UPF2: variants seen among roughly 807,000 people sequenced by gnomAD.
The protein encoded by UPF2 is UPF2 regulator of nonsense mediated mRNA decay, also known as regulator of nonsense transcripts 2.
A neutral mutation model predicts 141.4 loss-of-function variants in UPF2; 17 were observed. The observed-to-expected ratio is 0.12, with a 90% CI of 0.08 to 0.18. UPF2 has a LOEUF of 0.18. UPF2 is among the 10% of genes least tolerant of loss of function. UPF2 has a pLI of 1.00. For synonymous variants in UPF2, 540 were observed against 498.0 expected (o/e 1.08, Z -1.12); for missense variants, 1,152 against 1,515.9 (o/e 0.76, Z 3.99).
rs1372254766 is a variant in UPF2 at position 11,959,372 on chromosome 10, C to G, written c.2185-16G>C. On this transcript the variant is annotated splice_polypyrimidine_tract_variant and intron_variant, in intron 11 of 21. Transcript: ENST00000357604. This position sits in a 1 kb window ranked among gnomAD's most constrained non-coding sequence, Gnocchi z 5.9. ...TCATTTGCTCCTGAAATAAAAAGTCCAAATTAATCAAAACACGTTCCTTCT... is the reference window on the plus strand; with the variant it reads ...TCATTTGCTCCTGAAATAAAAAGTCGAAATTAATCAAAACACGTTCCTTCT... The G allele has an allele frequency of 1.9e-6, 3 of 1,546,324 alleles. No homozygotes were observed. The African/African-American group carries it at 4.2e-5, about 21-fold the overall frequency.
At chr10:12,011,189 C>A (rs556510744) in intron 4 of UPF2, among the ~76,000 whole-genome samples, 2 of 152,210 alleles carry the variant, frequency 1.3e-5, no homozygotes, top group Admixed American at 6.5e-5. Flanking sequence ...GACAGGGTCT[C>A]GCTATGTTAC....
intron 9 of UPF2, among the ~76,000 whole-genome samples, chr10:11,973,503 T>G (rs1588545887): frequency 6.6e-6 from 1 of 152,156 alleles, no homozygotes; most frequent in South Asian, 2.1e-4. Flanking sequence ...TCTTCTAGGG[T>G]TTTTATGGTT....
chr10:11,996,588 C>T lies in UPF2; in HGVS notation c.1844+1084G>A, dbSNP rs184242198. ...CAAACTCCTGACCTCAGGTGATCCA[C>T]CTGCCTCAGCCTCCCAAGGTGCTGG... On this transcript the variant is annotated intron_variant, in intron 8 of 21. Coordinates refer to ENST00000357604, the MANE Select transcript of UPF2 (RefSeq NM_015542.4). Among the ~76,000 whole-genome samples, 356 of 152,336 alleles carry T rather than the reference C, an allele frequency of 2.3e-3. 1 individual carries two copies. The highest frequency in any genetic ancestry group is 6.3e-3 in the Admixed American group (96 of 15,298).
At chr10:11,954,560 A>C (rs549788651) in intron 14 of UPF2, among the ~76,000 whole-genome samples, 1 of 150,912 alleles carries the variant, frequency 6.6e-6, no homozygotes, top group Non-Finnish European at 1.5e-5. Flanking sequence ...CTTGAACCTG[A>C]GAGGTGGAGG....
intron 8 of UPF2, among the ~76,000 whole-genome samples, chr10:11,983,483 C>G (rs1272149079): frequency 6.6e-6 from 1 of 152,168 alleles, no homozygotes; most frequent in Non-Finnish European, 1.5e-5. Context: ...CGCCATTCTC[C>G]TGTCTCAGCC....
rs1466371902 is a variant in UPF2, at chr10:11,931,548, G to GA, written c.3688+92dup. ...AAATGAATTTCTCAGCATAAATATG[G>GA]AAAAATATGACATGAGAAGATGAGA... is the stretch of plus-strand genomic sequence containing the variant. On this transcript the variant is annotated intron_variant, in intron 20 of 21. Transcript: ENST00000357604. This position sits in a 1 kb window ranked among gnomAD's most constrained non-coding sequence, Gnocchi z 5.9. 18 of 1,334,982 alleles carry GA rather than the reference G, an allele frequency of 1.3e-5. 1 individual carries two copies. In the Middle Eastern group the frequency reaches 2.1e-3, roughly 156 times the overall value. The allele number at this position is 1,334,982 out of a possible 1,614,324, so 82.7% of individuals were successfully genotyped here.
chr10:12,013,158 T>C (rs1175578716), intron 4 of UPF2, among the ~76,000 whole-genome samples: 1 of 151,840 alleles, frequency 6.6e-6, no homozygotes, highest in Non-Finnish European at 1.5e-5. Flanking sequence ...ATGTACATTA[T>C]TATATATAAA....
chr10:11,937,305 G>T (rs1485043466), intron 18 of UPF2, among the ~76,000 whole-genome samples: 1 of 152,168 alleles, frequency 6.6e-6, no homozygotes, highest in South Asian at 2.1e-4. Context: ...CTTGGAGATA[G>T]TAATGTTAAA....
At chr10:12,023,925 C>G (rs1834363659) in intron 3 of UPF2, among the ~76,000 whole-genome samples, 1 of 146,866 alleles carries the variant, frequency 6.8e-6, no homozygotes, top group Non-Finnish European at 1.5e-5. Context: ...GAGGTGGAGG[C>G]TGCAGTGAGC....
rs1439680987 is a variant in UPF2 at position 12,035,130 on chromosome 10, TTGA to T, written c.291_293del (p.His97del). On this transcript the variant is annotated inframe_deletion, in exon 2 of 22. Coordinates refer to ENST00000357604, the MANE Select transcript of UPF2 (RefSeq NM_015542.4). Reference sequence around the variant, plus strand: ...CTTCTTGCTTCTTTCTCTCTTCCTCTTGATGTTTCTTTTTTTCTTCCTCTTCTT... The same window carrying T: ...CTTCTTGCTTCTTTCTCTCTTCCTCTTGTTTCTTTTTTTCTTCCTCTTCTT... 6.3e-7 allele frequency: 1 copy of T among 1,599,182 alleles called. No homozygotes were observed. The highest frequency in any genetic ancestry group is 8.5e-7 in the Non-Finnish European group (1 of 1,176,924).
intron 3 of UPF2, among the ~76,000 whole-genome samples, chr10:12,026,842 G>A (rs1834428502): frequency 6.6e-6 from 1 of 151,764 alleles, no homozygotes; most frequent in African/African-American, 2.4e-5. Context: ...TAGTAGAGAC[G>A]GGGTTTCACC....
At chr10:11,951,134 C>G (rs1203923842) in intron 15 of UPF2, among the ~76,000 whole-genome samples, 3 of 152,110 alleles carry the variant, frequency 2.0e-5, no homozygotes, top group African/African-American at 7.2e-5. Context: ...GTGATCTTGG[C>G]TCACTCCAAC....
At chr10:12,039,181 T>A (rs1049694751) in intron 1 of UPF2, among the ~76,000 whole-genome samples, 6 of 152,160 alleles carry the variant, frequency 3.9e-5, no homozygotes, top group African/African-American at 1.2e-4. Context: ...TTTTCCCTAT[T>A]TTATAAATGA....
At chr10:11,930,119 T>C (rs944189824) in intron 20 of UPF2, 134 bp from the exon 21 acceptor site, 2 of 1,251,370 alleles carry the variant, frequency 1.6e-6, no homozygotes, top group East Asian at 2.4e-5. Flanking sequence ...ATAGCCATTA[T>C]ACAGACTAAA....
At chr10:11,933,946 T>C (rs748581605) in intron 19 of UPF2, among the ~76,000 whole-genome samples, 14 of 152,210 alleles carry the variant, frequency 9.2e-5, no homozygotes, top group Non-Finnish European at 2.1e-4. Flanking sequence ...TGTGCAGGAA[T>C]GGAGACCAAG....
intron 16 of UPF2, among the ~76,000 whole-genome samples, chr10:11,944,716 A>C (rs1832979764): frequency 6.6e-6 from 1 of 152,190 alleles, no homozygotes; most frequent in Admixed American, 6.5e-5. Context: ...TTTACGTTTC[A>C]TATTACTCAG....
At chr10:11,933,777 T>C (rs180997959) in intron 19 of UPF2, among the ~76,000 whole-genome samples, 93 of 152,292 alleles carry the variant, frequency 6.1e-4, no homozygotes, top group Non-Finnish European at 1.2e-4. Flanking sequence ...GACAAAGGTG[T>C]TAATGAATAT....
intron 2 of UPF2, among the ~76,000 whole-genome samples, chr10:12,031,213 A>C (rs1321926257): frequency 3.3e-5 from 5 of 151,558 alleles, no homozygotes; most frequent in African/African-American, 9.7e-5. Context: ...GCAATGTTAG[A>C]TATTGTTTTT....
chr10:11,947,841 G>A (rs934692999), intron 16 of UPF2, among the ~76,000 whole-genome samples: 4 of 144,886 alleles, frequency 2.8e-5, no homozygotes, highest in Admixed American at 2.1e-4. Flanking sequence ...TCTTTAAATT[G>A]CTTATTAAAT....
Sources: allele counts gnomAD v4.1 joint callset (sites outside exome capture counted in the v4.1 genomes callset), GRCh38; gene constraint gnomAD v4.1.1; non-coding constraint Gnocchi (gnomAD v3.1); transcripts MANE v1.5; gene names NCBI Gene and HGNC (gene_info 2026-07-23, HGNC 2026-07-21).